The following ZNF638 variants were observed in gnomAD, a reference collection of about 807,000 sequenced individuals.
ZNF638 encodes zinc finger protein 638.
In ZNF638, 46 loss-of-function variants were observed where a neutral mutation model predicts 195.6. The observed-to-expected ratio is 0.24, with a 90% CI of 0.19 to 0.30. ZNF638 has a LOEUF of 0.30. Among genes scored for constraint, ZNF638 ranks in the 10% least tolerant of loss-of-function variants. The pLI, the probability that ZNF638 is intolerant of heterozygous loss-of-function variation, is 1.00. For missense variants in ZNF638, 2,440 were observed against 2,325.3 expected (o/e 1.05, Z -1.01); for synonymous variants, 845 against 772.0 (o/e 1.09, Z -1.57).
intron 20 of ZNF638, among the ~76,000 whole-genome samples, chr2:71,417,227 G>A (rs1362668574): frequency 1.3e-5 from 2 of 151,798 alleles, no homozygotes; most frequent in Non-Finnish European, 2.9e-5. Context: ...TCGGGTGGGA[G>A]TGACCCGATT....
intron 20 of ZNF638, among the ~76,000 whole-genome samples, chr2:71,411,352 T>G (rs1047302763): frequency 1.3e-4 from 19 of 151,606 alleles, no homozygotes; most frequent in Non-Finnish European, 2.5e-4. Flanking sequence ...ATTTTTAATA[T>G]TCTGTTTTTC....
intron 23 of ZNF638, 148 bp downstream of exon 23, chr2:71,424,863 C>G (rs2080506161): frequency 1.6e-6 from 1 of 620,850 alleles, no homozygotes. Flanking sequence ...TTTAACTTAT[C>G]TCTAATCCTA....
intron 3 of ZNF638, among the ~76,000 whole-genome samples, chr2:71,360,127 C>T (rs1442855722): frequency 6.6e-6 from 1 of 152,152 alleles, no homozygotes; most frequent in Non-Finnish European, 1.5e-5. Flanking sequence ...GGGCCTTTAT[C>T]ATCCCTTCTA....
chr2:71,362,570 G>A (rs2079127848), intron 3 of ZNF638, among the ~76,000 whole-genome samples: 1 of 152,070 alleles, frequency 6.6e-6, no homozygotes, highest in Non-Finnish European at 1.5e-5. Context: ...CTATGCTGTA[G>A]CCAGACCACT....
At chr2:71,384,629 G>A (rs2079601481) in intron 10 of ZNF638, among the ~76,000 whole-genome samples, 2 of 152,098 alleles carry the variant, frequency 1.3e-5, no homozygotes, top group African/African-American at 4.8e-5. Context: ...GAGAGTTGGA[G>A]GACAGATTCT....
At position 71,334,571 on chromosome 2, in the gene ZNF638, T is replaced by A. The variant is rs557486664; in HGVS notation, c.-203+2696T>A. On this transcript the variant is annotated intron_variant, in intron 1 of 27. Coordinates refer to ENST00000264447, the MANE Select transcript of ZNF638 (RefSeq NM_014497.5). ...TATATAGAAGATGAGAAGAGAATAA[T>A]GGAAAGGAAAAAGAGTGAGGAAAAG... 7 of 151,844 alleles carry A rather than the reference T, an allele frequency of 4.6e-5. No individual in the cohort carries two copies. The East Asian group carries it at 1.4e-3, about 29-fold the overall frequency. The allele number at this position is 151,844 out of a possible 1,614,324, so 9.4% of individuals were successfully genotyped here.
intron 1 of ZNF638, chr2:71,332,709 T>A (rs2078594326): frequency 1.3e-5 from 2 of 152,194 alleles, no homozygotes; most frequent in African/African-American, 4.8e-5. Context: ...TTGAAATAGA[T>A]CTTTTGTTGT....
intron 10 of ZNF638, chr2:71,388,679 C>A: frequency 9.1e-7 from 1 of 1,102,466 alleles, no homozygotes; most frequent in Non-Finnish European, 1.4e-6. Context: ...TGCAAGGGAT[C>A]ACGACGGAAC....
At position 71,423,777 on chromosome 2, in the gene ZNF638, G is replaced by T; in HGVS notation, c.4263G>T (p.Val1421=). The T allele has an allele frequency of 6.2e-7, 1 of 1,613,970 alleles. No homozygotes were observed. Among genetic ancestry groups the T allele is most frequent in the Non-Finnish European group, 8.5e-7 (1 of 1,180,004 alleles). Reference sequence around the variant, plus strand: ...ATCAGAAAAGTTTTCCAAAATCTGTGCCCAGAGATCAAATAAATGCTGAAA... The same window carrying T: ...ATCAGAAAAGTTTTCCAAAATCTGTTCCCAGAGATCAAATAAATGCTGAAA... The part of the protein sequence containing the change: ...TENQKSFPKS[V]PRDQINAEKK... Residue 1421 remains valine, a synonymous_variant, in exon 22 of 28, where the codon GTG becomes GTT. Transcript: ENST00000264447.
In ZNF638 at chr2:71,365,563, C is replaced by T. The variant is rs746864993; in HGVS notation, c.1852C>T (p.Pro618Ser). Residue 618 changes from proline (P) to serine (S), a missense_variant, in exon 6 of 28, where the codon CCA (proline) becomes TCA (serine). Coordinates refer to ENST00000264447, the MANE Select transcript of ZNF638 (RefSeq NM_014497.5). ...GCCTAAAACTAGCAGTGGAACAAAACCATCAGTTAAACCTACAAGCGCTAC... is the reference window on the plus strand; with the variant it reads ...GCCTAAAACTAGCAGTGGAACAAAATCATCAGTTAAACCTACAAGCGCTAC... ...QKPKTSSGTK[P>S]SVKPTSATKS... 1 of 1,614,120 alleles carries T rather than the reference C, an allele frequency of 6.2e-7. No individual in the cohort carries two copies. Among genetic ancestry groups the T allele is most frequent in the South Asian group, 1.1e-5 (1 of 91,080 alleles).
chr2:71,432,589 C>G (rs2080688348), intron 26 of ZNF638, among the ~76,000 whole-genome samples: 1 of 152,216 alleles, frequency 6.6e-6, no homozygotes, highest in African/African-American at 2.4e-5. Flanking sequence ...CGAAGATTCT[C>G]CTTGGGAATC....
At chr2:71,355,526 G>A (rs1372937572) in intron 2 of ZNF638, among the ~76,000 whole-genome samples, 193 bp from the exon 3 acceptor site, 10 of 152,180 alleles carry the variant, frequency 6.6e-5, no homozygotes, top group Non-Finnish European at 1.0e-4. Flanking sequence ...GATCAGTGAG[G>A]TATGGTATTA....
chr2:71,365,151 A>G (rs1004977625), intron 5 of ZNF638, among the ~76,000 whole-genome samples: 9 of 152,226 alleles, frequency 5.9e-5, no homozygotes, highest in African/African-American at 1.7e-4. Context: ...TATTTTTACA[A>G]TTTAATTTCT....
chr2:71,339,489 T>G (rs2078728527), intron 1 of ZNF638, among the ~76,000 whole-genome samples: 2 of 152,178 alleles, frequency 1.3e-5, no homozygotes, highest in South Asian at 2.1e-4. Flanking sequence ...AGAACCCACT[T>G]TAGGTAAATG....
At chr2:71,362,196 T>C (rs2079120861) in intron 3 of ZNF638, among the ~76,000 whole-genome samples, 1 of 152,198 alleles carries the variant, frequency 6.6e-6, no homozygotes, top group Non-Finnish European at 1.5e-5. Flanking sequence ...TAATCTTTTA[T>C]TATTTTTTTT....
At chr2:71,428,399 CTATTTTA>C (rs2080583350) in intron 24 of ZNF638, 141 bp from the exon 25 acceptor site, 1 of 527,150 alleles carries the variant, frequency 1.9e-6, no homozygotes, top group African/African-American at 1.9e-5. Context: ...TAGAATTCTT[CTATTTTA>C]TATTAGCAGT....
chr2:71,368,350 T>G (rs758507076), intron 6 of ZNF638, 32 bp from the exon 7 acceptor site: 1 of 1,593,384 alleles, frequency 6.3e-7, no homozygotes, highest in Admixed American at 1.8e-5. Context: ...TTAATTTGGT[T>G]TATTTTAAAT....
At chr2:71,374,424 GTAGAGT>G (rs1275254632) in intron 8 of ZNF638, among the ~76,000 whole-genome samples, 1 of 152,000 alleles carries the variant, frequency 6.6e-6, no homozygotes, top group Non-Finnish European at 1.5e-5. Context: ...TGTCTTTCTT[GTAGAGT>G]TATTTTTCTT....
chr2:71,353,383 T>TA (rs1250939403), intron 2 of ZNF638, among the ~76,000 whole-genome samples: 1 of 152,222 alleles, frequency 6.6e-6, no homozygotes, highest in Non-Finnish European at 1.5e-5. Context: ...TGAGCCCTGA[T>TA]ACGAGTAGTT....
Sources: gnomAD v4.1 joint callset for allele counts (sites outside exome capture counted in the v4.1 genomes callset) on GRCh38, gnomAD v4.1.1 for gene constraint, MANE v1.5 for transcripts, NCBI Gene and HGNC (gene_info 2026-07-23, HGNC 2026-07-21) for gene names.